Variants in ANKRD6 observed in about 807,000 individuals in gnomAD.
ANKRD6 encodes the protein ankyrin repeat domain-containing protein 6.
Under a neutral mutation model 82.3 loss-of-function variants are expected in ANKRD6, and 56 were observed. The observed-to-expected ratio is 0.68, with a 90% CI of 0.55 to 0.85. ANKRD6 has a LOEUF of 0.85. Among genes scored for constraint, ANKRD6 ranks in the 40% least tolerant of loss-of-function variants. The pLI, the probability that ANKRD6 is intolerant of heterozygous loss-of-function variation, is 0.00. For missense variants in ANKRD6, 852 were observed against 907.6 expected (o/e 0.94, Z 0.79); for synonymous variants, 347 against 352.1 (o/e 0.99, Z 0.16).
At chr6:89,490,208 A>G (rs1777858294) in intron 1 of ANKRD6, among the ~76,000 whole-genome samples, 1 of 152,224 alleles carries the variant, frequency 6.6e-6, no homozygotes, top group African/African-American at 2.4e-5. Flanking sequence ...TAGTGCTGGA[A>G]AAGACCTTAG....
At position 89,612,244 on chromosome 6, in the gene ANKRD6, G is replaced by T. The variant is rs757891765; in HGVS notation, c.418-28G>T. The T allele has an allele frequency of 7.8e-6, 12 of 1,544,630 alleles. No individual in the cohort carries two copies. The South Asian group carries it at 8.3e-5, about 11-fold the overall frequency. ...CTGTGCGGAAGCATGTTGCTAATAT[G>T]TCCTCCCTCTCTCTGCCTCTCTCCA... On this transcript the variant is annotated intron_variant, in intron 5 of 15. Transcript: ENST00000339746.
At chr6:89,521,174 G>T (rs1279182799) in intron 1 of ANKRD6, among the ~76,000 whole-genome samples, 1 of 152,130 alleles carries the variant, frequency 6.6e-6, no homozygotes, top group African/African-American at 2.4e-5. Flanking sequence ...TCAACCTGAG[G>T]CTTCTGTGGT....
chr6:89,523,874 A>G lies in ANKRD6; in HGVS notation c.-143-42960A>G, dbSNP rs532380158. 4.6e-5 allele frequency among the ~76,000 whole-genome samples: 7 copies of G among 152,266 alleles called. No homozygotes were observed. In the South Asian group the frequency reaches 8.3e-4, roughly 18 times the overall value. ...TTTTTGTCAGCATTTGTAATCTAGT[A>G]TCAAAGAATAATCCTAACAGCAAAT... On this transcript the variant is annotated intron_variant, in intron 1 of 15. Coordinates refer to ENST00000339746, the MANE Select transcript of ANKRD6 (RefSeq NM_001242809.2).
At chr6:89,560,825 C>CA (rs151181309) in intron 1 of ANKRD6, 2,055 of 146,340 alleles carry the variant, frequency 0.014, 64 homozygotes, top group East Asian at 0.12. Context: ...ACTTTGTCTC[C>CA]AAAAAAAAAG....
intron 1 of ANKRD6, among the ~76,000 whole-genome samples, chr6:89,550,271 T>C (rs1246430070): frequency 6.6e-6 from 1 of 152,132 alleles, no homozygotes; most frequent in East Asian, 1.9e-4. Context: ...ATACACAGAA[T>C]GTAAGATTAC....
chr6:89,591,620 C>G (rs1794931194), intron 2 of ANKRD6, among the ~76,000 whole-genome samples: 1 of 152,188 alleles, frequency 6.6e-6, no homozygotes, highest in South Asian at 2.1e-4. Flanking sequence ...TTCCTATGTG[C>G]TGGATAGGGG....
At chr6:89,511,497 A>T (rs183374283) in intron 1 of ANKRD6, among the ~76,000 whole-genome samples, 56 of 152,360 alleles carry the variant, frequency 3.7e-4, no homozygotes, top group African/African-American at 1.3e-3. Flanking sequence ...CTGTGGGGTC[A>T]GGCACTCTGA....
chr6:89,616,329 G>A (rs900683278), intron 7 of ANKRD6: 14 of 545,232 alleles, frequency 2.6e-5, no homozygotes, highest in African/African-American at 1.7e-4. Context: ...ATCCTGCTGC[G>A]TGATTTCAGG....
intron 1 of ANKRD6, among the ~76,000 whole-genome samples, chr6:89,525,014 G>C (rs1782297441): frequency 6.6e-6 from 1 of 151,866 alleles, no homozygotes; most frequent in Non-Finnish European, 1.5e-5. Context: ...AGAAAATTAG[G>C]CTGGGTGTGG....
At chr6:89,487,299 T>A (rs377735691) in intron 1 of ANKRD6, among the ~76,000 whole-genome samples, 7 of 152,360 alleles carry the variant, frequency 4.6e-5, no homozygotes, top group Admixed American at 3.3e-4. Context: ...TCACCATGAT[T>A]ATATGACCAT....
chr6:89,607,814 A>AT (rs146555747), intron 5 of ANKRD6, among the ~76,000 whole-genome samples: 438 of 143,966 alleles, frequency 3.0e-3, no homozygotes, highest in African/African-American at 0.012. Context: ...CGCCCGGCTA[A>AT]TTTTTCCATT....
chr6:89,611,882 T>C (rs1249117998), intron 5 of ANKRD6, among the ~76,000 whole-genome samples: 3 of 152,218 alleles, frequency 2.0e-5, no homozygotes. Flanking sequence ...CTGATAGGAA[T>C]TGAGTACTGT....
chr6:89,558,146 A>G (rs756907341), intron 1 of ANKRD6, among the ~76,000 whole-genome samples: 32 of 152,344 alleles, frequency 2.1e-4, no homozygotes, highest in Non-Finnish European at 3.8e-4. Context: ...CTGCTGTGTT[A>G]GAAGACAGTA....
rs7767872 is a variant in ANKRD6 at position 89,479,455 on chromosome 6, C to G, written c.-144+46080C>G. ...ATTCTACCAGATGGAGCTTTCCTGG[C>G]TCATTGAATCATCTTCTTTTATTGG... On this transcript the variant is annotated intron_variant, in intron 1 of 15. Transcript: ENST00000339746. Among the ~76,000 whole-genome samples, 843 of 152,196 alleles carry G rather than the reference C, an allele frequency of 5.5e-3. 7 individuals are homozygous for G. The highest frequency in any genetic ancestry group is 0.019 in the African/African-American group (785 of 41,514).
chr6:89,577,291 C>G (rs539852483), intron 2 of ANKRD6, among the ~76,000 whole-genome samples: 58 of 152,246 alleles, frequency 3.8e-4, no homozygotes, highest in African/African-American at 1.3e-3. Context: ...ATTATGCCTC[C>G]TAACTTCTCT....
intron 14 of ANKRD6, 124 bp downstream of exon 14, chr6:89,627,820 G>C: frequency 1.4e-6 from 1 of 711,224 alleles, no homozygotes; most frequent in Non-Finnish European, 2.3e-6. Flanking sequence ...ATTATATAGT[G>C]TATCATTTTT....
chr6:89,489,783 G>C (rs576046709), intron 1 of ANKRD6, among the ~76,000 whole-genome samples: 1 of 152,228 alleles, frequency 6.6e-6, no homozygotes, highest in East Asian at 1.9e-4. Flanking sequence ...GCTTGGCCTG[G>C]TGAAGCCTGT....
chr6:89,592,520 C>T (rs915263859), intron 2 of ANKRD6, among the ~76,000 whole-genome samples: 5 of 152,182 alleles, frequency 3.3e-5, no homozygotes, highest in South Asian at 2.1e-4. Flanking sequence ...TCTCCACTGG[C>T]GGTTCTTCAC....
At chr6:89,547,350 T>C (rs1583212351) in intron 1 of ANKRD6, among the ~76,000 whole-genome samples, 1 of 152,200 alleles carries the variant, frequency 6.6e-6, no homozygotes, top group African/African-American at 2.4e-5. Flanking sequence ...AGCTGAGTGG[T>C]TTCACTGGTG....
Sources: gnomAD v4.1 joint callset for allele counts (sites outside exome capture counted in the v4.1 genomes callset) on GRCh38, gnomAD v4.1.1 for gene constraint, MANE v1.5 for transcripts, NCBI Gene and HGNC (gene_info 2026-07-23, HGNC 2026-07-21) for gene names.